The following ST3GAL1 variants were observed in gnomAD, a reference collection of about 807,000 sequenced individuals.
ST3GAL1 encodes ST3 beta-galactoside alpha-2,3-sialyltransferase 1.
Under a neutral mutation model 34.1 loss-of-function variants are expected in ST3GAL1, and 16 were observed. The observed-to-expected ratio is 0.47, with a 90% CI of 0.32 to 0.71. The LOEUF (loss-of-function observed/expected upper bound fraction) is 0.71. Among genes scored for constraint, ST3GAL1 ranks in the 30% least tolerant of loss-of-function variants. ST3GAL1 has a pLI of 0.04. For missense variants in ST3GAL1, 353 were observed against 447.4 expected (o/e 0.79, Z 1.90); for synonymous variants, 191 against 184.7 (o/e 1.03, Z -0.28).
At chr8:133,531,664 G>T (rs1818155957) in intron 2 of ST3GAL1, among the ~76,000 whole-genome samples, 1 of 152,010 alleles carries the variant, frequency 6.6e-6, no homozygotes, top group South Asian at 2.1e-4. Context: ...CCAGTCAGGG[G>T]GTGAGGGGAG....
chr8:133,569,092 C>T (rs1036852227), intron 1 of ST3GAL1, among the ~76,000 whole-genome samples: 3 of 152,216 alleles, frequency 2.0e-5, no homozygotes, highest in South Asian at 2.1e-4. Flanking sequence ...CTTCTAGCAA[C>T]GCTTCCTGTT....
At chr8:133,501,086 TAAAC>T (rs765031259) in intron 2 of ST3GAL1, among the ~76,000 whole-genome samples, 1 of 152,108 alleles carries the variant, frequency 6.6e-6, no homozygotes, top group African/African-American at 2.4e-5. Flanking sequence ...AGCTCTCTAA[TAAAC>T]AAACAGCCTC....
At chr8:133,542,179 C>T (rs1818555904) in intron 2 of ST3GAL1, among the ~76,000 whole-genome samples, 1 of 152,176 alleles carries the variant, frequency 6.6e-6, no homozygotes, top group African/African-American at 2.4e-5. Flanking sequence ...AATGCTACCC[C>T]AGAAACAGTG....
At chr8:133,491,752 G>T (rs571337850) in intron 3 of ST3GAL1, among the ~76,000 whole-genome samples, 18 of 152,242 alleles carry the variant, frequency 1.2e-4, no homozygotes, top group African/African-American at 4.1e-4. Context: ...GGGTGGGAGC[G>T]TCAGGCGACA....
At chr8:133,564,752 T>C (rs1367653068) in intron 1 of ST3GAL1, among the ~76,000 whole-genome samples, 3 of 152,226 alleles carry the variant, frequency 2.0e-5, no homozygotes, top group African/African-American at 7.2e-5. Flanking sequence ...AGACCTTTAC[T>C]GAATAAACTT....
chr8:133,562,855 T>TC (rs1563744754), intron 1 of ST3GAL1, among the ~76,000 whole-genome samples: 20 of 147,726 alleles, frequency 1.4e-4, no homozygotes, highest in African/African-American at 4.9e-4. Flanking sequence ...TCTTTCTTTT[T>TC]TTTTTTTTTT....
At chr8:133,517,782 C>T (rs911731106) in intron 2 of ST3GAL1, among the ~76,000 whole-genome samples, 2 of 152,222 alleles carry the variant, frequency 1.3e-5, no homozygotes, top group African/African-American at 4.8e-5. Flanking sequence ...ACAATTGCCC[C>T]ACAGGCATGT....
intron 2 of ST3GAL1, among the ~76,000 whole-genome samples, chr8:133,500,392 G>A (rs1364090554): frequency 6.6e-6 from 1 of 152,156 alleles, no homozygotes; most frequent in Non-Finnish European, 1.5e-5. Flanking sequence ...GAAACAACTC[G>A]AAAGGGACAT....
intron 2 of ST3GAL1, among the ~76,000 whole-genome samples, chr8:133,536,897 C>T (rs1818328130): frequency 6.6e-6 from 1 of 152,190 alleles, no homozygotes; most frequent in Non-Finnish European, 1.5e-5. Flanking sequence ...CTATCCTCTG[C>T]TCTCACACCC....
intron 1 of ST3GAL1, among the ~76,000 whole-genome samples, chr8:133,559,783 A>G (rs1484022796): frequency 6.6e-6 from 1 of 152,254 alleles, no homozygotes; most frequent in African/African-American, 2.4e-5. Context: ...GCTCCCATCT[A>G]GCTAGGGAGC....
chr8:133,464,629 G>A (rs903701030), intron 7 of ST3GAL1, 149 bp downstream of exon 7: 34 of 768,634 alleles, frequency 4.4e-5, no homozygotes, highest in Admixed American at 2.2e-4. Context: ...TCGGGGAGGC[G>A]GCCACGGGAA....
At chr8:133,470,679 G>A (rs918473937) in intron 5 of ST3GAL1, among the ~76,000 whole-genome samples, 1 of 152,182 alleles carries the variant, frequency 6.6e-6, no homozygotes, top group Non-Finnish European at 1.5e-5. Context: ...GTGCTGTCTG[G>A]AGAGGGATGA....
chr8:133,570,725 A>T lies in ST3GAL1; in HGVS notation c.-582+968T>A, dbSNP rs1406441517. ...TAAACACTCGCGCAGAGAAAGGAGG[A>T]GCGGAAAGTTGCGCCACCGTCCCGA... On this transcript the variant is annotated intron_variant, in intron 1 of 9. Transcript: ENST00000522652. The surrounding 1 kb of genome is among the most constrained non-coding windows in gnomAD (Gnocchi z 5.6). Among the ~76,000 whole-genome samples the T allele has an allele frequency of 5.9e-5, 9 of 152,044 alleles. No homozygotes were observed. Among genetic ancestry groups the T allele is most frequent in the Non-Finnish European group, 1.3e-4 (9 of 68,018 alleles).
chr8:133,490,091 G>T (rs373167968), intron 3 of ST3GAL1, among the ~76,000 whole-genome samples: 1 of 152,178 alleles, frequency 6.6e-6, no homozygotes, highest in African/African-American at 2.4e-5. Flanking sequence ...GCAGGCATTT[G>T]CTCTTTGGGC....
At chr8:133,487,299 A>G (rs1355335816) in intron 3 of ST3GAL1, among the ~76,000 whole-genome samples, 1 of 151,174 alleles carries the variant, frequency 6.6e-6, no homozygotes, top group Non-Finnish European at 1.5e-5. Flanking sequence ...ATTGGTATAT[A>G]TATATATATA....
At chr8:133,533,035 G>A (rs775254273) in intron 2 of ST3GAL1, among the ~76,000 whole-genome samples, 1 of 152,132 alleles carries the variant, frequency 6.6e-6, no homozygotes. Context: ...TCTTGACTAC[G>A]TTTCCTTCAG....
In ST3GAL1 at chr8:133,473,934, CT is replaced by C. The variant is rs1167946065; in HGVS notation, c.306+1784del. Among the ~76,000 whole-genome samples the C allele has an allele frequency of 2.8e-4, 43 of 152,208 alleles. 1 individual carries two copies. The highest frequency in any genetic ancestry group is 2.8e-3 in the Admixed American group (43 of 15,284). ...GGCTCGCCACCTCCTTCCCTAGACC[CT>C]TGGATCTTTGAAAGGGAAAAGACCC... On this transcript the variant is annotated intron_variant, in intron 5 of 9. Coordinates refer to ENST00000522652, the MANE Select transcript of ST3GAL1 (RefSeq NM_173344.3).
chr8:133,518,135 T>G (rs1817696920), intron 2 of ST3GAL1, among the ~76,000 whole-genome samples: 1 of 152,212 alleles, frequency 6.6e-6, no homozygotes, highest in South Asian at 2.1e-4. Context: ...CTACTGTCCA[T>G]GACTTGTCTG....
chr8:133,541,016 T>TA (rs1818492138), intron 2 of ST3GAL1, among the ~76,000 whole-genome samples: 1 of 30,918 alleles, frequency 3.2e-5, no homozygotes, highest in Non-Finnish European at 5.8e-5. Context: ...GACATATATA[T>TA]GCAGACATAT....
Sources: allele counts gnomAD v4.1 joint callset (sites outside exome capture counted in the v4.1 genomes callset), GRCh38; gene constraint gnomAD v4.1.1; non-coding constraint Gnocchi (gnomAD v3.1); transcripts MANE v1.5; gene names NCBI Gene and HGNC (gene_info 2026-07-23, HGNC 2026-07-21).